The following STAC2 variants were observed in gnomAD, a reference collection of about 807,000 sequenced individuals.
The protein encoded by STAC2 is SH3 and cysteine rich domain 2, also known as SH3 and cysteine-rich domain-containing protein 2.
A neutral mutation model predicts 49.0 loss-of-function variants in STAC2; 36 were observed. That is an observed-to-expected ratio of 0.74 (90% CI 0.56 to 0.97). The LOEUF (loss-of-function observed/expected upper bound fraction) is 0.97, where lower values mean the gene tolerates loss of function less well. STAC2 is among the 50% of genes least tolerant of loss of function. The pLI is 0.00. For synonymous variants in STAC2, 239 were observed against 214.7 expected, an observed-to-expected ratio of 1.11 and a Z score of -0.99; for missense variants, 527 against 543.8, an observed-to-expected ratio of 0.97 and a Z score of 0.31.
In STAC2 at chr17:39,218,215, G is replaced by A. The variant is rs764894016; in HGVS notation, c.91-42C>T. 3.7e-6 allele frequency: 6 copies of A among 1,608,508 alleles called. No individual in the cohort carries two copies. In the East Asian group the frequency reaches 1.1e-4, roughly 30 times the overall value. ...GAGCTGTGAGTGGGAGCCTAGAGGG[G>A]GCTGGCCAGGGCGGGCTTCCCTTCA... On this transcript the variant is annotated intron_variant, in intron 1 of 10. Transcript: ENST00000333461.
At chr17:39,220,396 C>T (rs1486594980) in intron 1 of STAC2, among the ~76,000 whole-genome samples, 1 of 152,122 alleles carries the variant, frequency 6.6e-6, no homozygotes, top group Non-Finnish European at 1.5e-5. Context: ...GGGGGCAAAA[C>T]TAAACCTACT....
rs2046370067 is a variant in STAC2, at chr17:39,213,131, C to A, written c.995G>T (p.Gly332Val). Residue 332 changes from glycine (G) to valine (V), a missense_variant and splice_region_variant, in exon 10 of 11, where the codon GGC becomes GTC. By Grantham distance (109) the Gly-to-Val change is moderately radical. Coordinates refer to ENST00000333461, the MANE Select transcript of STAC2 (RefSeq NM_198993.5). ...VDDSNEDWWK[G>V]KIGDRVGFFP... is the part of the protein sequence containing the mutation. Reference sequence around the variant, plus strand: ...GAAGCCAACCCGGTCGCCGATCTTGCCCTGGGGATGAGGTTGGCAATGAAC... The same window carrying A: ...GAAGCCAACCCGGTCGCCGATCTTGACCTGGGGATGAGGTTGGCAATGAAC... 2 of 1,606,580 alleles carry A rather than the reference C, an allele frequency of 1.2e-6. No homozygotes were observed. Among genetic ancestry groups the A allele is most frequent in the Non-Finnish European group, 1.7e-6 (2 of 1,179,952 alleles).
Position 39,210,646 on chromosome 17 carries a change from TG to T in STAC2, c.*1645del, listed in dbSNP as rs35966204. 4,099 of 141,732 alleles carry T rather than the reference TG, an allele frequency of 0.029. 145 individuals are homozygous for T. The highest frequency in any genetic ancestry group is 0.083 in the African/African-American group (3,168 of 38,204). 8.8% of individuals were successfully genotyped at this position (141,732 alleles called of 1,614,324 possible). ...ATTGGGCCCGCCCCTGGGATATTGC[TG>T]GGGGGGGGGGCCTCATGGCAGCAAA... On this transcript the variant is annotated 3_prime_UTR_variant, in exon 11 of 11. Transcript: ENST00000333461.
rs926185062 is a variant in STAC2 at position 39,225,149 on chromosome 17, C to T, written c.90+264G>A. ...CCACGCGCGCCCTCCGGCCTCGCTG[C>T]GCCCATCTCTCCAACGAAGACCAGT... is the stretch of plus-strand genomic sequence containing the variant. On this transcript the variant is annotated intron_variant, in intron 1 of 10. Transcript: ENST00000333461. The surrounding 1 kb of genome is among the most constrained non-coding windows in gnomAD (Gnocchi z 8.2). Among the ~76,000 whole-genome samples the T allele has an allele frequency of 3.3e-5, 5 of 152,170 alleles. No homozygotes were observed. Among genetic ancestry groups the T allele is most frequent in the African/African-American group, 1.2e-4 (5 of 41,440 alleles).
At position 39,225,286 on chromosome 17, in the gene STAC2, C is replaced by A; in HGVS notation, c.90+127G>T. 1 of 725,544 alleles carries A rather than the reference C, an allele frequency of 1.4e-6. No homozygotes were observed. The highest frequency in any genetic ancestry group is 2.1e-6 in the Non-Finnish European group (1 of 469,544). The allele number at this position is 725,544 out of a possible 1,614,324, so 44.9% of individuals were successfully genotyped here. On this transcript the variant is annotated intron_variant, in intron 1 of 10. Transcript: ENST00000333461. The surrounding 1 kb of genome is among the most constrained non-coding windows in gnomAD (Gnocchi z 8.2). ...CCCACTCCTACCCCCGGGAGCGGCGCGGAGCCTCAGTGGTCACGCGGGCCT... is the reference window on the plus strand; with the variant it reads ...CCCACTCCTACCCCCGGGAGCGGCGAGGAGCCTCAGTGGTCACGCGGGCCT...
Position 39,214,822 on chromosome 17 carries a change from G to A in STAC2, c.812C>T (p.Pro271Leu). ...TCCAGGACTCTTCTCCTCTGGTCCTGGCCCTTCACTCTCTGCTGGGGCTGT... is the reference window on the plus strand; with the variant it reads ...TCCAGGACTCTTCTCCTCTGGTCCTAGCCCTTCACTCTCTGCTGGGGCTGT... ...VFTAPAESEG[P>L]GPEEKSPGQQ... is the part of the protein sequence containing the mutation. The change falls in exon 7 of 11, where the codon CCA (proline) becomes CTA (leucine). Residue 271 changes from proline (P) to leucine (L), a missense_variant. By Grantham distance (98) the Pro-to-Leu change is moderately conservative. Coordinates refer to ENST00000333461, the MANE Select transcript of STAC2 (RefSeq NM_198993.5). The A allele has an allele frequency of 6.2e-7, 1 of 1,614,046 alleles. No homozygotes were observed. The highest frequency in any genetic ancestry group is 2.2e-5 in the East Asian group (1 of 44,876).
At position 39,217,953 on chromosome 17, in the gene STAC2, G is replaced by A. The variant is rs762194356; in HGVS notation, c.311C>T (p.Ala104Val). The change falls in exon 2 of 11, where the codon GCG (alanine) becomes GTG (valine). Residue 104 changes from alanine (A) to valine (V), a missense_variant. Ala to Val is a moderately conservative substitution (Grantham distance 64, BLOSUM62 0). Coordinates refer to ENST00000333461, the MANE Select transcript of STAC2 (RefSeq NM_198993.5). ...SPCPVPRPLA[A>V]LKPVRLHSFQ... ...GCTGTGCAGCCTCACTGGTTTGAGCGCTGCCAGGGGGCGTGGGACTGGGCA... is the reference window on the plus strand; with the variant it reads ...GCTGTGCAGCCTCACTGGTTTGAGCACTGCCAGGGGGCGTGGGACTGGGCA... 15 of 1,597,290 alleles carry A rather than the reference G, an allele frequency of 9.4e-6. No individual in the cohort carries two copies. In the East Asian group the frequency reaches 2.5e-4, roughly 27 times the overall value.
rs1344620930 is a variant in STAC2 at position 39,214,786 on chromosome 17, C to T, written c.843+5G>A. On this transcript the variant is annotated splice_donor_5th_base_variant and intron_variant, in intron 7 of 10. Coordinates refer to ENST00000333461, the MANE Select transcript of STAC2 (RefSeq NM_198993.5). The stretch of plus-strand genomic sequence containing the variant: ...CCTTCCGGGCCAATGCCAGTACAGG[C>T]TCACCTGCTGTCCAGGACTCTTCTC... The T allele has an allele frequency of 6.2e-7, 1 of 1,613,822 alleles. No individual in the cohort carries two copies. Among genetic ancestry groups the T allele is most frequent in the Admixed American group, 1.7e-5 (1 of 60,000 alleles).
At position 39,218,264 on chromosome 17, in the gene STAC2, GCA is replaced by G; in HGVS notation, c.91-93_91-92del. ...CAGGGTGTCTCTGGCGGTAGGGGCG[GCA>G]GCAGCAGCAGCAGCAGCAGCGTGGG... On this transcript the variant is annotated intron_variant, in intron 1 of 10. Coordinates refer to ENST00000333461, the MANE Select transcript of STAC2 (RefSeq NM_198993.5). 3.2e-6 allele frequency: 3 copies of G among 943,664 alleles called. No individual in the cohort carries two copies. The African/African-American group carries it at 5.0e-5, about 16-fold the overall frequency. The allele number at this position is 943,664 out of a possible 1,614,324, so 58.5% of individuals were successfully genotyped here.
chr17:39,221,032 G>A (rs372625480), intron 1 of STAC2, among the ~76,000 whole-genome samples: 100 of 151,450 alleles, frequency 6.6e-4, no homozygotes, highest in African/African-American at 2.3e-3. Context: ...TCCTGACCTC[G>A]TGATCCGCCT....
rs749646039 is a variant in STAC2 at position 39,217,946 on chromosome 17, T to C, written c.318A>G (p.Lys106=). 1 of 1,600,604 alleles carries C rather than the reference T, an allele frequency of 6.2e-7. No individual in the cohort carries two copies. Among genetic ancestry groups the C allele is most frequent in the South Asian group, 1.1e-5 (1 of 89,138 alleles). The change falls in exon 2 of 11, where the codon AAA becomes AAG. Residue 106 remains lysine, a synonymous_variant. Transcript: ENST00000333461. ...CCTGGAAGCTGTGCAGCCTCACTGG[T>C]TTGAGCGCTGCCAGGGGGCGTGGGA... ...CPVPRPLAAL[K]PVRLHSFQEH... is the part of the protein sequence containing the mutation.
At chr17:39,224,145 G>A (rs2046488132) in intron 1 of STAC2, among the ~76,000 whole-genome samples, 1 of 152,146 alleles carries the variant, frequency 6.6e-6, no homozygotes, top group Non-Finnish European at 1.5e-5. Flanking sequence ...CCTTGACCTT[G>A]AATTAACCTC....
chr17:39,220,354 C>G (rs1328702656), intron 1 of STAC2, among the ~76,000 whole-genome samples: 1 of 152,202 alleles, frequency 6.6e-6, no homozygotes, highest in Non-Finnish European at 1.5e-5. Flanking sequence ...AGGCATGGAG[C>G]ACACAGGGTC....
At chr17:39,212,455 C>A in intron 10 of STAC2, 59 bp from the exon 11 acceptor site, 1 of 1,402,956 alleles carries the variant, frequency 7.1e-7, no homozygotes, top group South Asian at 1.2e-5. Context: ...GGCCCTGAGT[C>A]CTGCCCATGG....
rs1268336721 is a variant in STAC2 at position 39,210,583 on chromosome 17, G to A, written c.*1709C>T. Reference sequence around the variant, plus strand: ...AATTAGGGGTCTGGGGAATCAGCAAGGCCCCAGACCCATCATGCAGCCTCA... The same window carrying A: ...AATTAGGGGTCTGGGGAATCAGCAAAGCCCCAGACCCATCATGCAGCCTCA... On this transcript the variant is annotated 3_prime_UTR_variant, in exon 11 of 11. Coordinates refer to ENST00000333461, the MANE Select transcript of STAC2 (RefSeq NM_198993.5). The A allele has an allele frequency of 6.6e-6, 1 of 152,478 alleles. No homozygotes were observed. The highest frequency in any genetic ancestry group is 1.5e-5 in the Non-Finnish European group (1 of 67,998). 9.4% of individuals were successfully genotyped at this position (152,478 alleles called of 1,614,324 possible).
At chr17:39,215,600 A>T (rs2046395200) in intron 4 of STAC2, among the ~76,000 whole-genome samples, 1 of 152,232 alleles carries the variant, frequency 6.6e-6, no homozygotes, top group African/African-American at 2.4e-5. Flanking sequence ...CTGCCAGTCC[A>T]CACAGCAGCC....
At position 39,212,976 on chromosome 17, in the gene STAC2, C is replaced by T; in HGVS notation, c.1131+19G>A. On this transcript the variant is annotated intron_variant, in intron 10 of 10. Coordinates refer to ENST00000333461, the MANE Select transcript of STAC2 (RefSeq NM_198993.5). ...CCCTCCCTCCGCCATAGGGCCTGGG[C>T]TGGGCCTCAGGCACTCACCTGGTTC... is the stretch of plus-strand genomic sequence containing the variant. 2 of 1,612,842 alleles carry T rather than the reference C, an allele frequency of 1.2e-6. No homozygotes were observed. The highest frequency in any genetic ancestry group is 8.5e-7 in the Non-Finnish European group (1 of 1,179,654).
Position 39,211,122 on chromosome 17 carries a change from C to G in STAC2, c.*1170G>C, listed in dbSNP as rs990590619. 1.3e-5 allele frequency: 2 copies of G among 152,448 alleles called. No homozygotes were observed. Among genetic ancestry groups the G allele is most frequent in the African/African-American group, 4.8e-5 (2 of 41,442 alleles). The allele number at this position is 152,448 out of a possible 1,614,324, so 9.4% of individuals were successfully genotyped here. A position where few individuals can be genotyped will look rare whatever the true frequency, so the allele number is the denominator to read the frequency against. On this transcript the variant is annotated 3_prime_UTR_variant, in exon 11 of 11. Transcript: ENST00000333461. The stretch of plus-strand genomic sequence containing the variant: ...GGGTTCCTGGGGCGGCCGGGCAAAG[C>G]CTGGGACAGGAACTGACAGTCACAG...
chr17:39,214,760 A>G, intron 7 of STAC2, 31 bp downstream of exon 7: 1 of 1,611,234 alleles, frequency 6.2e-7, no homozygotes, highest in Non-Finnish European at 8.5e-7. Flanking sequence ...TCCCACCCTG[A>G]CCTTCCGGGC....
Sources: gnomAD v4.1 joint callset for allele counts (sites outside exome capture counted in the v4.1 genomes callset) on GRCh38, gnomAD v4.1.1 for gene constraint, Gnocchi (gnomAD v3.1) non-coding constraint, MANE v1.5 for transcripts, NCBI Gene and HGNC (gene_info 2026-07-23, HGNC 2026-07-21) for gene names.